ZBTB46: variants seen among roughly 807,000 people sequenced by gnomAD.
ZBTB46 encodes zinc finger and BTB domain containing 46, also known as zinc finger and BTB domain-containing protein 46.
A neutral mutation model predicts 44.1 loss-of-function variants in ZBTB46; 8 were observed. The ratio of observed to expected loss-of-function variants is 0.18; its 90% CI spans 0.11 to 0.33. The LOEUF is 0.33. Among genes scored for constraint, ZBTB46 ranks in the 10% least tolerant of loss-of-function variants. The pLI, the probability that ZBTB46 is intolerant of heterozygous loss-of-function variation, is 1.00. For synonymous variants in ZBTB46, 409 were observed against 382.3 expected, an observed-to-expected ratio of 1.07 and a Z score of -0.81; for missense variants, 651 against 847.7, an observed-to-expected ratio of 0.77 and a Z score of 2.88.
chr20:63,799,343 T>G (rs2092626636), intron 1 of ZBTB46, among the ~76,000 whole-genome samples: 1 of 149,662 alleles, frequency 6.7e-6, no homozygotes, highest in African/African-American at 2.5e-5. Flanking sequence ...TGTGGCCTGG[T>G]GAGACTAACT....
At chr20:63,824,441 A>G (rs552928106) in intron 1 of ZBTB46, among the ~76,000 whole-genome samples, 6 of 152,180 alleles carry the variant, frequency 3.9e-5, no homozygotes, top group Non-Finnish European at 8.8e-5. Flanking sequence ...AAGACAAGAA[A>G]GACTACAGAC....
chr20:63,762,523 A>G (rs932352222), intron 3 of ZBTB46, among the ~76,000 whole-genome samples: 10 of 152,074 alleles, frequency 6.6e-5, no homozygotes, highest in Non-Finnish European at 1.3e-4. Context: ...GGGTGGTGGC[A>G]CGCGCCTGTA....
intron 1 of ZBTB46, chr20:63,791,027 G>C (rs1316001437): frequency 2.1e-6 from 1 of 476,282 alleles, no homozygotes; most frequent in African/African-American, 1.9e-5. Flanking sequence ...GTGTTTCCGT[G>C]CTCGAGGCTA....
chr20:63,809,843 G>C (rs2092707646), intron 1 of ZBTB46, among the ~76,000 whole-genome samples: 2 of 151,958 alleles, frequency 1.3e-5, no homozygotes, highest in Non-Finnish European at 2.9e-5. Flanking sequence ...CACACCTGTA[G>C]TCCCCGCGAC....
chr20:63,747,538 G>A (rs2092114898), intron 4 of ZBTB46, among the ~76,000 whole-genome samples: 1 of 117,692 alleles, frequency 8.5e-6, no homozygotes, highest in African/African-American at 3.3e-5. Context: ...CTGGTGGGTG[G>A]GGGGGGTGCG....
intron 3 of ZBTB46, among the ~76,000 whole-genome samples, chr20:63,760,367 AT>A (rs2092262298): frequency 6.6e-6 from 1 of 152,124 alleles, no homozygotes; most frequent in Admixed American, 6.5e-5. Flanking sequence ...GAATTTTCCC[AT>A]TTCCTCCAAT....
At chr20:63,758,651 CGCACGG>C (rs778442399) in intron 3 of ZBTB46, among the ~76,000 whole-genome samples, 2 of 152,068 alleles carry the variant, frequency 1.3e-5, no homozygotes, top group Non-Finnish European at 2.9e-5. Context: ...CACACGCACG[CGCACGG>C]GCACTCACAC....
rs953567226 is a variant in ZBTB46, at chr20:63,790,691, C to T, written c.67G>A (p.Glu23Lys). ...CACAGGACGCCGTGCTGCCTCTGCT[C>T]GTTGAGCTCCCGCAGCAGGTGCCGG... ...HYRHLLRELN[E>K]QRQHGVLCDV... is the part of the protein sequence containing the mutation. The change falls in exon 2 of 5, where the codon GAG becomes AAG. Residue 23 changes from glutamate (E) to lysine (K), a missense_variant. By Grantham distance (56) the Glu-to-Lys change is moderately conservative (BLOSUM62 1). Around this residue, in one of 5 missense-constraint regions of ZBTB46, gnomAD observed 65 missense variants for 167.9 expected, o/e 0.39. Coordinates refer to ENST00000245663, the MANE Select transcript of ZBTB46 (RefSeq NM_001369741.1). 2 of 1,611,624 alleles carry T rather than the reference C, an allele frequency of 1.2e-6. No individual in the cohort carries two copies. The highest frequency in any genetic ancestry group is 8.5e-7 in the Non-Finnish European group (1 of 1,179,794).
chr20:63,825,858 T>C (rs966080297), intron 1 of ZBTB46, among the ~76,000 whole-genome samples: 2 of 152,238 alleles, frequency 1.3e-5, no homozygotes, highest in Non-Finnish European at 2.9e-5. Flanking sequence ...TTAAGAGCCA[T>C]AGTTTTGCTC....
At chr20:63,815,224 G>C (rs545443797) in intron 1 of ZBTB46, 13 of 238,566 alleles carry the variant, frequency 5.4e-5, no homozygotes, top group South Asian at 5.1e-4. Context: ...GAGTGCAAGT[G>C]CAGTGAGTGC....
At chr20:63,831,792 T>C (rs1600744420), upstream of ZBTB46, among the ~76,000 whole-genome samples, 25 of 150,406 alleles carry the variant, frequency 1.7e-4, no homozygotes, top group South Asian at 5.3e-3. Context: ...TCCCCGCGCC[T>C]GACGCGCGGT....
chr20:63,806,328 A>AC (rs1197666785), intron 1 of ZBTB46, among the ~76,000 whole-genome samples: 1 of 148,692 alleles, frequency 6.7e-6, no homozygotes, highest in African/African-American at 2.5e-5. Flanking sequence ...AATTGCTTGA[A>AC]CCCGAGAGGC....
At chr20:63,783,892 C>A (rs1209988094) in intron 2 of ZBTB46, among the ~76,000 whole-genome samples, 2 of 152,222 alleles carry the variant, frequency 1.3e-5, no homozygotes, top group East Asian at 1.9e-4. Flanking sequence ...CTGAAACAGG[C>A]TGTGAAAGGT....
intron 2 of ZBTB46, among the ~76,000 whole-genome samples, chr20:63,789,441 C>G (rs1411933327): frequency 1.3e-5 from 2 of 152,196 alleles, no homozygotes; most frequent in Non-Finnish European, 2.9e-5. Context: ...TGGGAGGGTC[C>G]CACAGGCCAG....
intron 1 of ZBTB46, among the ~76,000 whole-genome samples, chr20:63,801,160 T>G (rs1468993113): frequency 6.6e-6 from 1 of 152,060 alleles, no homozygotes; most frequent in Non-Finnish European, 1.5e-5. Context: ...GTCTAGCTGA[T>G]CCGGTGGGGA....
At chr20:63,761,560 G>C (rs1177710191) in intron 3 of ZBTB46, among the ~76,000 whole-genome samples, 1 of 151,874 alleles carries the variant, frequency 6.6e-6, no homozygotes, top group African/African-American at 2.4e-5. Context: ...GAGGCAGGTG[G>C]ATCACAAGGT....
In ZBTB46 at chr20:63,761,509, C is replaced by G. The variant is rs151018773; in HGVS notation, c.1223-8648G>C. On this transcript the variant is annotated intron_variant, in intron 3 of 4. Coordinates refer to ENST00000245663, the MANE Select transcript of ZBTB46 (RefSeq NM_001369741.1). ...TTCAGTTAAAAATATTTTGGCCAGG[C>G]ACGGTGGCTCACACCTGTAATCCCA... is the stretch of plus-strand genomic sequence containing the variant. 2.2e-3 allele frequency among the ~76,000 whole-genome samples: 332 copies of G among 152,128 alleles called. 4 individuals are homozygous for G. Among genetic ancestry groups the G allele is most frequent in the African/African-American group, 7.4e-3 (309 of 41,492 alleles).
chr20:63,791,929 T>C (rs1173791229), intron 1 of ZBTB46, among the ~76,000 whole-genome samples: 1 of 152,166 alleles, frequency 6.6e-6, no homozygotes, highest in African/African-American at 2.4e-5. Flanking sequence ...CAGAAACGTA[T>C]TCTCAAGTCC....
intron 3 of ZBTB46, among the ~76,000 whole-genome samples, chr20:63,773,230 C>CTTTTT (rs745777313): frequency 0.022 from 2,880 of 133,892 alleles, 175 homozygotes; most frequent in African/African-American, 0.073. Flanking sequence ...AGTCCAATGG[C>CTTTTT]TTTTTTTTTT....
Sources: gnomAD v4.1 joint callset for allele counts (sites outside exome capture counted in the v4.1 genomes callset) on GRCh38, gnomAD v4.1.1 for gene constraint, gnomAD v4.1.1 regional missense constraint, MANE v1.5 for transcripts, NCBI Gene and HGNC (gene_info 2026-07-23, HGNC 2026-07-21) for gene names.